The following PTPRN2 variants were observed in gnomAD, a reference collection of about 807,000 sequenced individuals.
PTPRN2 encodes the protein protein tyrosine phosphatase receptor type N2, also known as receptor-type tyrosine-protein phosphatase N2.
In PTPRN2, 74 loss-of-function variants were observed where a neutral mutation model predicts 118.8. That is an observed-to-expected ratio of 0.62 (90% CI 0.52 to 0.76). The LOEUF is 0.76. Among genes scored for constraint, PTPRN2 ranks in the 30% least tolerant of loss-of-function variants. The pLI, the probability that PTPRN2 is intolerant of heterozygous loss-of-function variation, is 0.00. For synonymous variants in PTPRN2, 641 were observed against 608.0 expected (o/e 1.05, Z -0.80); for missense variants, 1,481 against 1,394.4 (o/e 1.06, Z -0.99).
intron 2 of PTPRN2, among the ~76,000 whole-genome samples, chr7:158,351,439 G>A (rs1277741874): frequency 6.6e-6 from 1 of 152,182 alleles, no homozygotes; most frequent in East Asian, 1.9e-4. Context: ...CTCGTACACT[G>A]TACCTGCTTT....
intron 3 of PTPRN2, among the ~76,000 whole-genome samples, chr7:158,244,491 G>C (rs1796072199): frequency 6.6e-6 from 1 of 152,148 alleles, no homozygotes; most frequent in African/African-American, 2.4e-5. Context: ...TAAGCTATGA[G>C]TGTTTATGAG....
chr7:158,497,337 T>C (rs1822027370), intron 1 of PTPRN2, among the ~76,000 whole-genome samples: 1 of 148,640 alleles, frequency 6.7e-6, no homozygotes, highest in Non-Finnish European at 1.5e-5. Flanking sequence ...GGGTGGGTGT[T>C]GCTCAGTCCC....
chr7:158,346,913 T>G (rs983177558), intron 2 of PTPRN2, among the ~76,000 whole-genome samples: 1 of 152,224 alleles, frequency 6.6e-6, no homozygotes, highest in Non-Finnish European at 1.5e-5. Flanking sequence ...TTGAGAAATA[T>G]CTACTCAGAT....
intron 2 of PTPRN2, among the ~76,000 whole-genome samples, chr7:158,414,093 A>C (rs1460098377): frequency 6.7e-6 from 1 of 150,230 alleles, no homozygotes; most frequent in East Asian, 2.0e-4. Context: ...AAAAAAAAGG[A>C]AGCAAGGGGA....
intron 2 of PTPRN2, among the ~76,000 whole-genome samples, chr7:158,420,604 G>A (rs1301564986): frequency 1.3e-5 from 2 of 152,170 alleles, no homozygotes; most frequent in Non-Finnish European, 2.9e-5. Context: ...CCACCAGTGC[G>A]CATTGCCCCT....
intron 12 of PTPRN2, among the ~76,000 whole-genome samples, chr7:157,797,445 G>A (rs1187559493): frequency 6.6e-6 from 1 of 152,130 alleles, no homozygotes; most frequent in Non-Finnish European, 1.5e-5. Flanking sequence ...GGTTACACAA[G>A]CTGGCCACAG....
Position 157,772,603 on chromosome 7 carries a change from G to A in PTPRN2, c.1789-89666C>T, listed in dbSNP as rs138386561. Among the ~76,000 whole-genome samples the A allele has an allele frequency of 1.7e-3, 261 of 152,276 alleles. 2 individuals are homozygous for A. Among genetic ancestry groups the A allele is most frequent in the African/African-American group, 6.0e-3 (251 of 41,552 alleles). ...GACCTGGGCGAATCCTGCTGCGGGC[G>A]GCCTCAGCTCCACACTCTCTCTAGG... On this transcript the variant is annotated intron_variant, in intron 12 of 22. Coordinates refer to ENST00000389418, the MANE Select transcript of PTPRN2 (RefSeq NM_002847.5).
intron 12 of PTPRN2, chr7:157,865,351 T>C (rs1378770088): frequency 1.3e-5 from 2 of 152,388 alleles, no homozygotes; most frequent in East Asian, 3.9e-4. Flanking sequence ...TGATCCTAAC[T>C]GATCTGCTAC....
chr7:157,716,211 C>G (rs7799271), intron 12 of PTPRN2, among the ~76,000 whole-genome samples: 111,312 of 145,942 alleles, frequency 0.76, 43,135 homozygotes, highest in African/African-American at 0.89. Flanking sequence ...GAGTCCTCGT[C>G]CTAAGAAGTC....
intron 3 of PTPRN2, among the ~76,000 whole-genome samples, chr7:158,278,598 T>C (rs1209389144): frequency 3.3e-5 from 5 of 152,214 alleles, no homozygotes; most frequent in African/African-American, 1.2e-4. Context: ...TAGATGGACA[T>C]GTTGTGTCCG....
chr7:158,343,136 G>A (rs143544715), intron 2 of PTPRN2, among the ~76,000 whole-genome samples: 2 of 152,140 alleles, frequency 1.3e-5, no homozygotes, highest in African/African-American at 2.4e-5. Flanking sequence ...CAGGGAGTGG[G>A]GAAATATTTG....
chr7:157,827,425 C>A (rs569563412), intron 12 of PTPRN2, among the ~76,000 whole-genome samples: 1 of 145,288 alleles, frequency 6.9e-6, no homozygotes, highest in East Asian at 2.0e-4. Flanking sequence ...TGGGCCGTGG[C>A]TGTCTGGAGG....
At chr7:157,743,220 C>T (rs757035645) in intron 12 of PTPRN2, among the ~76,000 whole-genome samples, 11 of 152,188 alleles carry the variant, frequency 7.2e-5, no homozygotes, top group African/African-American at 2.4e-4. Flanking sequence ...CTCTGGGAAC[C>T]GACCATCAGC....
chr7:158,191,621 G>A (rs1019867803), intron 5 of PTPRN2, among the ~76,000 whole-genome samples: 1 of 152,154 alleles, frequency 6.6e-6, no homozygotes, highest in African/African-American at 2.4e-5. Flanking sequence ...AAAATTTACT[G>A]AGATTCCTAA....
intron 12 of PTPRN2, among the ~76,000 whole-genome samples, chr7:157,692,920 C>T (rs978376535): frequency 3.9e-5 from 6 of 152,098 alleles, no homozygotes; most frequent in African/African-American, 1.4e-4. Context: ...CCGGGATGCC[C>T]TCCCAGGGAC....
intron 11 of PTPRN2, among the ~76,000 whole-genome samples, chr7:157,932,357 C>G (rs1370817588): frequency 6.6e-6 from 1 of 151,246 alleles, no homozygotes; most frequent in African/African-American, 2.4e-5. Context: ...GACGTCATGT[C>G]TCTCTAGCCT....
intron 11 of PTPRN2, among the ~76,000 whole-genome samples, chr7:158,013,635 C>A (rs1806204157): frequency 6.6e-6 from 1 of 152,058 alleles, no homozygotes; most frequent in Admixed American, 6.5e-5. Flanking sequence ...TCTATCAATC[C>A]ATCTATCATC....
chr7:158,327,454 C>G (rs1803731708), intron 2 of PTPRN2, among the ~76,000 whole-genome samples: 1 of 148,848 alleles, frequency 6.7e-6, no homozygotes, highest in Admixed American at 6.9e-5. Context: ...CACACACCTG[C>G]TCACACATGT....
Position 157,867,801 on chromosome 7 carries a change from CCTT to C in PTPRN2, c.1788+30869_1788+30871del, listed in dbSNP as rs142552556. 3.0e-3 allele frequency among the ~76,000 whole-genome samples: 461 copies of C among 152,340 alleles called. 5 individuals are homozygous for C. The highest frequency in any genetic ancestry group is 3.6e-3 in the Non-Finnish European group (248 of 68,032). On this transcript the variant is annotated intron_variant, in intron 12 of 22. Coordinates refer to ENST00000389418, the MANE Select transcript of PTPRN2 (RefSeq NM_002847.5). ...TCCCAGAATCCAGTCCAGGGAGACT[CCTT>C]CTCTTCCTTTCTGCATGGGCCCGAG... is the stretch of plus-strand genomic sequence containing the variant.
Sources: gnomAD v4.1 joint callset for allele counts (sites outside exome capture counted in the v4.1 genomes callset) on GRCh38, gnomAD v4.1.1 for gene constraint, MANE v1.5 for transcripts, NCBI Gene and HGNC (gene_info 2026-07-23, HGNC 2026-07-21) for gene names.